ITSN2: variants seen among roughly 807,000 people sequenced by gnomAD.
The protein encoded by ITSN2 is intersectin-2.
Under a neutral mutation model 243.7 loss-of-function variants are expected in ITSN2, and 156 were observed. The ratio of observed to expected loss-of-function variants is 0.64; its 90% CI spans 0.56 to 0.73. The LOEUF is 0.73. Among genes scored for constraint, ITSN2 ranks in the 30% least tolerant of loss-of-function variants. The pLI is 0.00. For missense variants in ITSN2, 1,801 were observed against 1,996.1 expected (o/e 0.90, Z 1.86); for synonymous variants, 703 against 699.9 (o/e 1.00, Z -0.07).
rs750073294 is a variant in ITSN2 at position 24,216,151 on chromosome 2, G to T, written c.3888C>A (p.Ser1296=). Residue 1296 remains serine, a synonymous_variant, in exon 32 of 40, where the codon TCC becomes TCA. Transcript: ENST00000355123. ...AGAACCTGATGTAAGCCTGCATGTG[G>T]GACAGCTCAGCGGCCAGGATGTCCC... ...MIGDILAAEL[S]HMQAYIRFCS... 6.2e-7 allele frequency: 1 copy of T among 1,612,796 alleles called. No individual in the cohort carries two copies. Among genetic ancestry groups the T allele is most frequent in the East Asian group, 2.2e-5 (1 of 44,696 alleles).
intron 1 of ITSN2, among the ~76,000 whole-genome samples, chr2:24,358,628 A>G (rs936574771): frequency 6.6e-6 from 1 of 152,228 alleles, no homozygotes; most frequent in East Asian, 1.9e-4. Flanking sequence ...TTTAAAAAAG[A>G]TATACTAACT....
rs376870519 is a variant in ITSN2 at position 24,325,692 on chromosome 2, G to A, written c.31+2360C>T. 8.3e-4 allele frequency among the ~76,000 whole-genome samples: 126 copies of A among 152,178 alleles called. 2 individuals are homozygous for A. In the South Asian group the frequency reaches 0.017, roughly 20 times the overall value. On this transcript the variant is annotated intron_variant, in intron 2 of 39. Transcript: ENST00000355123. ...CAAACTTTTACAATATGTAATAATC[G>A]TGTTAGAAATACATTAAAATTCTAT... is the stretch of plus-strand genomic sequence containing the variant.
intron 1 of ITSN2, among the ~76,000 whole-genome samples, chr2:24,346,233 T>A (rs1283483119): frequency 1.3e-5 from 2 of 152,236 alleles, no homozygotes; most frequent in East Asian, 3.9e-4. Context: ...AAGGTCAACA[T>A]CAACAGTCAT....
chr2:24,296,322 T>C (rs1485735014), intron 13 of ITSN2, among the ~76,000 whole-genome samples: 1 of 152,110 alleles, frequency 6.6e-6, no homozygotes, highest in Non-Finnish European at 1.5e-5. Flanking sequence ...ATCAAACAAA[T>C]AGCAGAGATT....
At chr2:24,205,443 T>C (rs1307576540) in intron 37 of ITSN2, 146 bp from the exon 38 acceptor site, 2 of 641,054 alleles carry the variant, frequency 3.1e-6, no homozygotes, top group Non-Finnish European at 5.5e-6. Context: ...GCCCTGTGCC[T>C]TTCCCCAGGC....
intron 29 of ITSN2, among the ~76,000 whole-genome samples, chr2:24,234,728 A>C (rs747592392): frequency 6.6e-6 from 1 of 152,240 alleles, no homozygotes; most frequent in Non-Finnish European, 1.5e-5. Flanking sequence ...GATGGCAAAT[A>C]AGCATATAAA....
In ITSN2 at chr2:24,312,184, A is replaced by G. The variant is rs759554252; in HGVS notation, c.352+28T>C. 52 of 1,554,470 alleles carry G rather than the reference A, an allele frequency of 3.3e-5. No homozygotes were observed. The South Asian group carries it at 6.1e-4, about 18-fold the overall frequency. ...TAGGGATAAAGTTTAAGTAGCAAAT[A>G]CAGGTATTTAAATTAATACATACTT... On this transcript the variant is annotated intron_variant, in intron 5 of 39. Coordinates refer to ENST00000355123, the MANE Select transcript of ITSN2 (RefSeq NM_006277.3).
At chr2:24,256,497 C>T (rs1675074711) in intron 23 of ITSN2, among the ~76,000 whole-genome samples, 1 of 152,198 alleles carries the variant, frequency 6.6e-6, no homozygotes, top group Non-Finnish European at 1.5e-5. Context: ...TACCAACTTC[C>T]ATATAAAACA....
At chr2:24,333,320 C>A (rs1025355063) in intron 1 of ITSN2, among the ~76,000 whole-genome samples, 4 of 152,188 alleles carry the variant, frequency 2.6e-5, no homozygotes, top group Non-Finnish European at 4.4e-5. Context: ...CAGCATCAAT[C>A]ACATACATAA....
At chr2:24,277,882 G>A (rs1164530366) in intron 17 of ITSN2, among the ~76,000 whole-genome samples, 4 of 152,168 alleles carry the variant, frequency 2.6e-5, no homozygotes, top group African/African-American at 9.7e-5. Context: ...AATGTTTTAA[G>A]AAAGTTTACA....
chr2:24,315,016 T>C (rs1683735428), intron 3 of ITSN2, 116 bp downstream of exon 3: 5 of 460,596 alleles, frequency 1.1e-5, no homozygotes, highest in Non-Finnish European at 1.6e-5. Context: ...AGAATTCTGA[T>C]TGATATGAAT....
In ITSN2 at chr2:24,203,453, G is replaced by A. The variant is rs911029957; in HGVS notation, c.*173C>T. On this transcript the variant is annotated 3_prime_UTR_variant, in exon 40 of 40. Transcript: ENST00000355123. ...GGGGTTTGGTTTCTTTATGGGAAAGGTGTTTGCATAGATTGCTAGCTATTT... is the reference window on the plus strand; with the variant it reads ...GGGGTTTGGTTTCTTTATGGGAAAGATGTTTGCATAGATTGCTAGCTATTT... The A allele has an allele frequency of 1.1e-5, 7 of 619,338 alleles. No homozygotes were observed. The highest frequency in any genetic ancestry group is 1.1e-4 in the African/African-American group (6 of 54,372). 38.4% of individuals were successfully genotyped at this position (619,338 alleles called of 1,614,324 possible). A position where few individuals can be genotyped will look rare whatever the true frequency, so the allele number is the denominator to read the frequency against.
At chr2:24,208,934 G>C (rs1456673468) in intron 36 of ITSN2, among the ~76,000 whole-genome samples, 166 bp downstream of exon 36, 1 of 152,260 alleles carries the variant, frequency 6.6e-6, no homozygotes, top group African/African-American at 2.4e-5. Flanking sequence ...GGCAGCTGCA[G>C]TGACCAAGGC....
intron 17 of ITSN2, among the ~76,000 whole-genome samples, chr2:24,281,874 C>A (rs565473143): frequency 1.8e-4 from 27 of 152,230 alleles, no homozygotes; most frequent in Non-Finnish European, 2.4e-4. Context: ...TGCATCTCCA[C>A]CCCTCTTCTT....
At position 24,300,046 on chromosome 2, in the gene ITSN2, C is replaced by T; in HGVS notation, c.1207G>A (p.Glu403Lys). 1 of 1,614,172 alleles carries T rather than the reference C, an allele frequency of 6.2e-7. No homozygotes were observed. Among genetic ancestry groups the T allele is most frequent in the Non-Finnish European group, 8.5e-7 (1 of 1,180,034 alleles). Residue 403 changes from glutamate (E) to lysine (K), a missense_variant, in exon 12 of 40, where the codon GAG (glutamate) becomes AAG (lysine). By Grantham distance (56) the Glu-to-Lys change is moderately conservative (BLOSUM62 1). Transcript: ENST00000355123. ...AERKAQKEKE[E>K]WERKQRELQE... is the part of the protein sequence containing the mutation. ...AATTCTCTCTGTTTTCGTTCCCACT[C>T]TTCCTTTTCTTTCTGGGCTTTACGT...
chr2:24,224,555 C>T (rs1670828212), intron 29 of ITSN2, among the ~76,000 whole-genome samples: 1 of 152,066 alleles, frequency 6.6e-6, no homozygotes, highest in African/African-American at 2.4e-5. Flanking sequence ...ATTGCATTAG[C>T]TGTAGCAGGA....
At chr2:24,293,627 T>C (rs1558568356) in intron 15 of ITSN2, 61 bp downstream of exon 15, 1 of 645,464 alleles carries the variant, frequency 1.5e-6, no homozygotes, top group Non-Finnish European at 2.7e-6. Flanking sequence ...AAAGTAACAA[T>C]GTGACTGATA....
At chr2:24,326,555 T>C (rs938469755) in intron 2 of ITSN2, 2 of 167,646 alleles carry the variant, frequency 1.2e-5, no homozygotes, top group African/African-American at 4.8e-5. Flanking sequence ...AATTTTAAAC[T>C]TACATGTATC....
chr2:24,212,742 C>T lies in ITSN2; in HGVS notation c.3997G>A (p.Ala1333Thr), dbSNP rs745620520. 1 of 1,613,940 alleles carries T rather than the reference C, an allele frequency of 6.2e-7. No individual in the cohort carries two copies. Among genetic ancestry groups the T allele is most frequent in the Admixed American group, 1.7e-5 (1 of 60,026 alleles). The change falls in exon 33 of 40, where the codon GCA becomes ACA. Residue 1333 changes from alanine to threonine, a missense_variant. Physicochemically the swap from Ala to Thr is moderately conservative, Grantham distance 58. Around this residue, in one of 5 missense-constraint regions of ITSN2, gnomAD observed 928 missense variants for 1,065.4 expected, o/e 0.87. Coordinates refer to ENST00000355123, the MANE Select transcript of ITSN2 (RefSeq NM_006277.3). ...TDFKEFLKKL[A>T]SDPRCKGMPL... ...ATTCCTTTACACCGCGGGTCAGATG[C>T]CAGCTTCTGCAAAACAACAGTGAGG... is the stretch of plus-strand genomic sequence containing the variant.
Sources: allele counts gnomAD v4.1 joint callset (sites outside exome capture counted in the v4.1 genomes callset), GRCh38; gene constraint gnomAD v4.1.1; regional missense constraint gnomAD v4.1.1; transcripts MANE v1.5; gene names NCBI Gene and HGNC (gene_info 2026-07-23, HGNC 2026-07-21).